LYN: variants seen among roughly 807,000 people sequenced by gnomAD.
LYN encodes the protein tyrosine-protein kinase Lyn.
A neutral mutation model predicts 65.0 loss-of-function variants in LYN; 12 were observed. That is an observed-to-expected ratio of 0.18 (90% CI 0.12 to 0.30). The LOEUF (loss-of-function observed/expected upper bound fraction) is 0.30, where lower values mean the gene tolerates loss of function less well. Among genes scored for constraint, LYN ranks in the 10% least tolerant of loss-of-function variants. LYN has a pLI of 1.00. For missense variants in LYN, 380 were observed against 623.2 expected, an observed-to-expected ratio of 0.61 and a Z score of 4.16; for synonymous variants, 222 against 221.2, an observed-to-expected ratio of 1.00 and a Z score of -0.03.
At chr8:55,883,219 T>C (rs548268884) in intron 1 of LYN, among the ~76,000 whole-genome samples, 7 of 152,354 alleles carry the variant, frequency 4.6e-5, no homozygotes, top group Non-Finnish European at 8.8e-5. Context: ...CTAATGCTTT[T>C]GCACCATCGT....
chr8:55,976,655 C>T (rs1467685690), intron 10 of LYN, among the ~76,000 whole-genome samples: 1 of 152,108 alleles, frequency 6.6e-6, no homozygotes, highest in Non-Finnish European at 1.5e-5. Context: ...TTTCAGAGTA[C>T]ATGGAGGAGG....
chr8:55,965,225 T>G (rs1198692887), intron 8 of LYN, among the ~76,000 whole-genome samples: 2 of 152,164 alleles, frequency 1.3e-5, no homozygotes, highest in East Asian at 1.9e-4. Context: ...GGAGTCAGTA[T>G]TGCCCAGAGC....
chr8:55,958,612 A>G (rs2130507636), intron 8 of LYN, among the ~76,000 whole-genome samples: 2 of 152,270 alleles, frequency 1.3e-5, no homozygotes, highest in Admixed American at 1.3e-4. Flanking sequence ...TGTACTCTTT[A>G]ACACCAACTC....
At position 55,939,540 on chromosome 8, in the gene LYN, G is replaced by A. The variant is rs866142531; in HGVS notation, c.-5-2315G>A. 1.2e-4 allele frequency among the ~76,000 whole-genome samples: 18 copies of A among 152,128 alleles called. No homozygotes were observed. The South Asian group carries it at 3.5e-3, about 30-fold the overall frequency. ...GAACTGCAGGAACGCAGTGGGGGGG[G>A]GACAGGGGATTCCCTGTGCCCTGGT... On this transcript the variant is annotated intron_variant, in intron 1 of 12. Transcript: ENST00000519728.
intron 1 of LYN, among the ~76,000 whole-genome samples, chr8:55,900,587 C>T (rs780737940): frequency 2.2e-4 from 32 of 148,560 alleles, no homozygotes; most frequent in South Asian, 1.7e-3. Flanking sequence ...TACTATGGTG[C>T]CCAGGCTAGT....
chr8:55,920,644 C>G (rs1445485229), intron 1 of LYN, among the ~76,000 whole-genome samples: 2 of 152,148 alleles, frequency 1.3e-5, no homozygotes, highest in South Asian at 4.1e-4. Context: ...AATTTCCCCT[C>G]ATTCCAAAGT....
In LYN at chr8:56,012,027, G is replaced by A. The variant is rs896540478; in HGVS notation, c.*1917G>A. ...AAAGAAAATTATTAAATTTATCTTC[G>A]CCTTGTTTTGCTTCTCCCAGTTCCT... On this transcript the variant is annotated 3_prime_UTR_variant, in exon 13 of 13. Coordinates refer to ENST00000519728, the MANE Select transcript of LYN (RefSeq NM_002350.4). The A allele has an allele frequency of 3.2e-5, 6 of 188,482 alleles. No homozygotes were observed. Among genetic ancestry groups the A allele is most frequent in the East Asian group, 8.4e-5 (1 of 11,856 alleles). The allele number at this position is 188,482 out of a possible 1,614,324, so 11.7% of individuals were successfully genotyped here.
rs867088133 is a variant in LYN at position 55,989,468 on chromosome 8, T to C, written c.1051-8878T>C. Among the ~76,000 whole-genome samples the C allele has an allele frequency of 2.0e-5, 3 of 152,168 alleles. No individual in the cohort carries two copies. The South Asian group carries it at 6.2e-4, about 32-fold the overall frequency. Reference sequence around the variant, plus strand: ...TGTGTTTGATGACACAAAACCGCAGTGCCTCATGAGGGAGAGCCCGGTTGC... The same window carrying C: ...TGTGTTTGATGACACAAAACCGCAGCGCCTCATGAGGGAGAGCCCGGTTGC... On this transcript the variant is annotated intron_variant, in intron 10 of 12. Coordinates refer to ENST00000519728, the MANE Select transcript of LYN (RefSeq NM_002350.4).
intron 1 of LYN, among the ~76,000 whole-genome samples, chr8:55,930,151 C>T (rs570473019): frequency 3.0e-4 from 46 of 152,282 alleles, no homozygotes; most frequent in African/African-American, 1.1e-3. Context: ...TTCCATGAAA[C>T]CAGTCACGGA....
At chr8:55,948,402 C>A (rs1303562765) in intron 4 of LYN, among the ~76,000 whole-genome samples, 1 of 152,158 alleles carries the variant, frequency 6.6e-6, no homozygotes, top group African/African-American at 2.4e-5. Context: ...TGGGCCCAGC[C>A]TAGCTTGAGT....
intron 8 of LYN, among the ~76,000 whole-genome samples, chr8:55,965,614 C>A (rs1170876473): frequency 2.0e-5 from 3 of 151,958 alleles, no homozygotes; most frequent in Non-Finnish European, 4.4e-5. Flanking sequence ...TGGAAATAAC[C>A]AGCATTTGAT....
intron 1 of LYN, among the ~76,000 whole-genome samples, chr8:55,927,052 A>G (rs1806128552): frequency 6.6e-6 from 1 of 152,232 alleles, no homozygotes; most frequent in South Asian, 2.1e-4. Context: ...AACATGTTAC[A>G]TTAGTGTGGT....
chr8:56,010,224 G>A lies in LYN; in HGVS notation c.*114G>A. The A allele has an allele frequency of 2.8e-6, 3 of 1,070,298 alleles. No homozygotes were observed. Among genetic ancestry groups the A allele is most frequent in the Non-Finnish European group, 4.1e-6 (3 of 723,794 alleles). 66.3% of individuals were successfully genotyped at this position (1,070,298 alleles called of 1,614,324 possible). A position where few individuals can be genotyped will look rare whatever the true frequency, so the allele number is the denominator to read the frequency against. On this transcript the variant is annotated 3_prime_UTR_variant, in exon 13 of 13. Transcript: ENST00000519728. ...GTGCGGGGATCATCTGCCGTGCCTG[G>A]ATCCTGAAATAGAGGCTAAATTACT...
intron 1 of LYN, among the ~76,000 whole-genome samples, chr8:55,904,547 A>G (rs6474029): frequency 0.91 from 137,811 of 152,150 alleles, 62,553 homozygotes; most frequent in East Asian, 0.98. Context: ...TGCCACACAA[A>G]ATAATTTCTG....
At chr8:56,004,325 G>T (rs374909038) in intron 12 of LYN, among the ~76,000 whole-genome samples, 2 of 134,592 alleles carry the variant, frequency 1.5e-5, no homozygotes, top group Non-Finnish European at 3.1e-5. Flanking sequence ...ACAGAGTCTC[G>T]CTCCGTCACC....
rs139100202 is a variant in LYN, at chr8:55,882,952, C to T, written c.-6+2849C>T. Among the ~76,000 whole-genome samples, 38 of 152,216 alleles carry T rather than the reference C, an allele frequency of 2.5e-4. No individual in the cohort carries two copies. In the East Asian group the frequency reaches 7.1e-3, roughly 29 times the overall value. ...TATGATGAGGCTGTGTCCCAATAAA[C>T]CCAATCGTAAGTTGAAAATACTGAA... is the stretch of plus-strand genomic sequence containing the variant. On this transcript the variant is annotated intron_variant, in intron 1 of 12. Transcript: ENST00000519728.
At chr8:55,887,934 G>C (rs903232469) in intron 1 of LYN, among the ~76,000 whole-genome samples, 1 of 152,116 alleles carries the variant, frequency 6.6e-6, no homozygotes, top group Non-Finnish European at 1.5e-5. Flanking sequence ...AAAACGGCAG[G>C]ATATAAGGAG....
At chr8:55,999,792 A>AG (rs1808466589) in intron 12 of LYN, among the ~76,000 whole-genome samples, 1 of 151,972 alleles carries the variant, frequency 6.6e-6, no homozygotes, top group South Asian at 2.1e-4. Context: ...ACCAACATGG[A>AG]GAAACCCCGT....
At chr8:55,889,512 T>C (rs1455018820) in intron 1 of LYN, among the ~76,000 whole-genome samples, 1 of 152,204 alleles carries the variant, frequency 6.6e-6, no homozygotes, top group African/African-American at 2.4e-5. Flanking sequence ...CCAGCCCAAG[T>C]ATATTTATCG....
Sources: gnomAD v4.1 joint callset for allele counts (sites outside exome capture counted in the v4.1 genomes callset) on GRCh38, gnomAD v4.1.1 for gene constraint, MANE v1.5 for transcripts, NCBI Gene and HGNC (gene_info 2026-07-23, HGNC 2026-07-21) for gene names.